PTPRG: variants seen among roughly 807,000 people sequenced by gnomAD.
PTPRG encodes protein tyrosine phosphatase receptor type G.
PTPRG carries 102 observed loss-of-function variants against 165.3 expected under a neutral mutation model. That is an observed-to-expected ratio of 0.62 (90% confidence interval 0.53 to 0.73). The LOEUF (loss-of-function observed/expected upper bound fraction) is 0.73. Ranked by LOEUF, PTPRG falls within the 30% of genes least tolerant of loss-of-function variation. The pLI is 0.00. For synonymous variants in PTPRG, 675 were observed against 669.5 expected, an observed-to-expected ratio of 1.01 and a Z score of -0.13; for missense variants, 1,866 against 1,861.4, an observed-to-expected ratio of 1.00 and a Z score of -0.05.
In PTPRG at chr3:62,288,690, T is replaced by A. The variant is rs927131793; in HGVS notation, c.4056-3731T>A. Among the ~76,000 whole-genome samples, 3 of 149,714 alleles carry A rather than the reference T, an allele frequency of 2.0e-5. No individual in the cohort carries two copies. The Admixed American group carries it at 2.0e-4, about 10-fold the overall frequency. On this transcript the variant is annotated intron_variant, in intron 28 of 29. Coordinates refer to ENST00000474889, the MANE Select transcript of PTPRG (RefSeq NM_002841.4). Reference sequence around the variant, plus strand: ...TCCGTCACAAAAAAAAAAAAAAAAATTCGAAAGTTGTTAATTTGCTTAGGT... The same window carrying A: ...TCCGTCACAAAAAAAAAAAAAAAAAATCGAAAGTTGTTAATTTGCTTAGGT...
At chr3:61,890,341 G>A (rs1462267212) in intron 2 of PTPRG, among the ~76,000 whole-genome samples, 3 of 150,732 alleles carry the variant, frequency 2.0e-5, no homozygotes, top group Non-Finnish European at 4.4e-5. Flanking sequence ...TTAACCAAGC[G>A]CAGCACTTTG....
rs1446712522 is a variant in PTPRG, at chr3:61,792,667, GTTTTCTTTCTTTCTTT to G, written c.190+43686_190+43701del. Among the ~76,000 whole-genome samples the G allele has an allele frequency of 9.5e-5, 14 of 146,812 alleles. 1 individual carries two copies. Among genetic ancestry groups the G allele is most frequent in the Non-Finnish European group, 1.5e-4 (10 of 66,604 alleles). On this transcript the variant is annotated intron_variant, in intron 2 of 29. Transcript: ENST00000474889. ...CATGGAAAACATAACTTTTTTGTGGGTTTTCTTTCTTTCTTTCTTTCTTTCTTTCTTTCTTTCTTTC... is the reference window on the plus strand; with the variant it reads ...CATGGAAAACATAACTTTTTTGTGGGCTTTCTTTCTTTCTTTCTTTCTTTC...
At chr3:62,192,979 C>T (rs1056645628) in intron 9 of PTPRG, among the ~76,000 whole-genome samples, 2 of 152,088 alleles carry the variant, frequency 1.3e-5, no homozygotes. Context: ...TACTTCATTT[C>T]CATTTATATT....
intron 1 of PTPRG, among the ~76,000 whole-genome samples, chr3:61,688,942 T>G (rs2029963860): frequency 6.6e-6 from 1 of 152,174 alleles, no homozygotes; most frequent in South Asian, 2.1e-4. Context: ...CTAACATGTC[T>G]GGCGTGCCCT....
chr3:61,732,746 AAATAAATAAATAAATCTT>A (rs2032560984), intron 1 of PTPRG, among the ~76,000 whole-genome samples: 1 of 150,254 alleles, frequency 6.7e-6, no homozygotes, highest in African/African-American at 2.5e-5. Flanking sequence ...ATAAATAAAT[AAATAAATAAATAAATCTT>A]GCATTAGCTA....
intron 8 of PTPRG, among the ~76,000 whole-genome samples, chr3:62,178,845 T>C (rs1243425655): frequency 1.3e-5 from 2 of 152,196 alleles, no homozygotes; most frequent in African/African-American, 4.8e-5. Context: ...TTCTCTGACA[T>C]TGGGTTTACT....
rs1469488538 is a variant in PTPRG at position 62,240,693 on chromosome 3, C to T, written c.2376-3114C>T. On this transcript the variant is annotated intron_variant, in intron 14 of 29. Coordinates refer to ENST00000474889, the MANE Select transcript of PTPRG (RefSeq NM_002841.4). This position sits in a 1 kb window ranked among gnomAD's most constrained non-coding sequence, Gnocchi z 5.1. ...CTTCCTTCCAGTTTCCTAAAATGCA[C>T]CAAGCTCCCTCTGCTCTAAGGCTCT... Among the ~76,000 whole-genome samples, 2 of 152,142 alleles carry T rather than the reference C, an allele frequency of 1.3e-5. No individual in the cohort carries two copies. Among genetic ancestry groups the T allele is most frequent in the African/African-American group, 2.4e-5 (1 of 41,430 alleles).
At chr3:62,047,723 C>T (rs1412701397) in intron 4 of PTPRG, among the ~76,000 whole-genome samples, 2 of 152,170 alleles carry the variant, frequency 1.3e-5, no homozygotes, top group East Asian at 1.9e-4. Flanking sequence ...ATGCTGAGCT[C>T]CTCAGAGATA....
chr3:62,286,517 A>G (rs896551348), intron 28 of PTPRG, among the ~76,000 whole-genome samples: 27 of 152,224 alleles, frequency 1.8e-4, no homozygotes, highest in African/African-American at 6.0e-4. Flanking sequence ...TCCTGACTAT[A>G]CAAGGAATCA....
intron 2 of PTPRG, among the ~76,000 whole-genome samples, chr3:61,963,386 T>C (rs1050600306): frequency 6.6e-6 from 1 of 152,144 alleles, no homozygotes; most frequent in South Asian, 2.1e-4. Context: ...GTAAAAGATA[T>C]ATATGGCATC....
At chr3:61,626,970 G>A (rs1701627445) in intron 1 of PTPRG, among the ~76,000 whole-genome samples, 1 of 152,172 alleles carries the variant, frequency 6.6e-6, no homozygotes, top group African/African-American at 2.4e-5. Context: ...AAATGATCCT[G>A]TTATATCCAA....
Position 61,888,407 on chromosome 3 carries a change from C to T in PTPRG, c.191-101218C>T, listed in dbSNP as rs925681551. 1.9e-4 allele frequency among the ~76,000 whole-genome samples: 29 copies of T among 151,942 alleles called. 1 individual carries two copies. In the East Asian group the frequency reaches 5.6e-3, roughly 29 times the overall value. On this transcript the variant is annotated intron_variant, in intron 2 of 29. Transcript: ENST00000474889. Reference sequence around the variant, plus strand: ...GGAGTGCAGTGGTGCAATCTAGGCTCACTGCAAGCTCCACCTCCCGGGTTC... The same window carrying T: ...GGAGTGCAGTGGTGCAATCTAGGCTTACTGCAAGCTCCACCTCCCGGGTTC...
chr3:62,097,592 C>A (rs528596436), intron 5 of PTPRG, among the ~76,000 whole-genome samples: 1 of 152,164 alleles, frequency 6.6e-6, no homozygotes, highest in East Asian at 1.9e-4. Context: ...GGAATGCATT[C>A]AAAAAACAAA....
At chr3:62,130,262 A>G (rs1703465211) in intron 5 of PTPRG, among the ~76,000 whole-genome samples, 2 of 152,224 alleles carry the variant, frequency 1.3e-5, no homozygotes. Flanking sequence ...GTAGTCGCTC[A>G]TCCTTTAATA....
chr3:61,919,686 T>C (rs1338233882), intron 2 of PTPRG, among the ~76,000 whole-genome samples: 1 of 152,164 alleles, frequency 6.6e-6, no homozygotes, highest in Non-Finnish European at 1.5e-5. Flanking sequence ...TTCTGTTTCA[T>C]GTACCTCCTC....
intron 2 of PTPRG, among the ~76,000 whole-genome samples, chr3:61,787,808 C>T (rs1000266434): frequency 3.2e-4 from 49 of 152,246 alleles, no homozygotes; most frequent in African/African-American, 1.2e-3. Flanking sequence ...ACGGGAATTA[C>T]CTTCTTAGGT....
In PTPRG at chr3:61,676,471, A is replaced by AAAAAAAG. The variant is rs369505317; in HGVS notation, c.86-72404_86-72403insAAAGAAA. Among the ~76,000 whole-genome samples the AAAAAAAG allele has an allele frequency of 2.2e-3, 221 of 99,044 alleles. 31 individuals are homozygous for AAAAAAAG. Among genetic ancestry groups the AAAAAAAG allele is most frequent in the Middle Eastern group, 6.2e-3 (1 of 162 alleles). The allele number at this position is 99,044 out of a possible 152,430, so 65.0% of individuals were successfully genotyped here. ...GACTCCATCTCAAAAAAAAAAAAAAAAAAGAAAATTACTAAAGTCTGTGAA... is the reference window on the plus strand; with the variant it reads ...GACTCCATCTCAAAAAAAAAAAAAAAAAAAAAGAAAGAAAATTACTAAAGTCTGTGAA... On this transcript the variant is annotated intron_variant, in intron 1 of 29. Transcript: ENST00000474889.
intron 1 of PTPRG, among the ~76,000 whole-genome samples, chr3:61,673,416 T>C (rs1433508392): frequency 6.6e-6 from 1 of 152,182 alleles, no homozygotes; most frequent in Non-Finnish European, 1.5e-5. Flanking sequence ...AAAGTGGGGC[T>C]CTCATTGAGG....
chr3:62,042,106 A>C (rs1306658799), intron 4 of PTPRG, among the ~76,000 whole-genome samples: 1 of 152,186 alleles, frequency 6.6e-6, no homozygotes, highest in East Asian at 1.9e-4. Flanking sequence ...TCAGAGGGTC[A>C]CAGAAAATCT....
Sources: allele counts gnomAD v4.1 joint callset (sites outside exome capture counted in the v4.1 genomes callset), GRCh38; gene constraint gnomAD v4.1.1; non-coding constraint Gnocchi (gnomAD v3.1); transcripts MANE v1.5; gene names NCBI Gene and HGNC (gene_info 2026-07-23, HGNC 2026-07-21).